CCT5: variants seen among roughly 807,000 people sequenced by gnomAD.
CCT5 encodes T-complex protein 1 subunit epsilon.
CCT5 carries 6 observed loss-of-function variants against 55.0 expected under a neutral mutation model. That is an observed-to-expected ratio of 0.11 (90% CI 0.06 to 0.22). The LOEUF (loss-of-function observed/expected upper bound fraction) is 0.22, where lower values mean the gene tolerates loss of function less well. CCT5 is among the 10% of genes least tolerant of loss of function. CCT5 has a pLI of 1.00. For missense variants in CCT5, 560 were observed against 694.6 expected (o/e 0.81, Z 2.18); for synonymous variants, 231 against 243.7 (o/e 0.95, Z 0.49).
chr5:10,259,406 T>C (rs1745846048), intron 6 of CCT5, among the ~76,000 whole-genome samples: 1 of 152,216 alleles, frequency 6.6e-6, no homozygotes, highest in South Asian at 2.1e-4. Flanking sequence ...GGAAAGTTGT[T>C]GAATGTACTC....
chr5:10,256,792 T>A (rs1395796718), intron 4 of CCT5, among the ~76,000 whole-genome samples: 2 of 152,064 alleles, frequency 1.3e-5, no homozygotes, highest in Admixed American at 1.3e-4. Context: ...TGGGGGTGGG[T>A]TCCACTTTTT....
At chr5:10,262,340 A>G (rs1462145169) in intron 8 of CCT5, 141 bp from the exon 9 acceptor site, 1 of 929,828 alleles carries the variant, frequency 1.1e-6, no homozygotes, top group Non-Finnish European at 1.7e-6. Flanking sequence ...AAGGAAAGCT[A>G]GAAAGATAAA....
intron 6 of CCT5, among the ~76,000 whole-genome samples, chr5:10,259,010 G>T (rs899768462): frequency 3.3e-5 from 5 of 152,156 alleles, no homozygotes; most frequent in African/African-American, 7.2e-5. Context: ...ATGGTAGTGT[G>T]TTCAGGGTCC....
At chr5:10,251,641 A>T (rs1184713395) in intron 1 of CCT5, among the ~76,000 whole-genome samples, 1 of 151,936 alleles carries the variant, frequency 6.6e-6, no homozygotes, top group African/African-American at 2.4e-5. Flanking sequence ...TTCCAGGGGG[A>T]GGTGATAGGC....
At chr5:10,250,205 T>A (rs1579441731), upstream of CCT5, 1 of 1,550,496 alleles carries the variant, frequency 6.4e-7, no homozygotes. Flanking sequence ...GAAATTAGTC[T>A]CAGTAGAAAC....
intron 4 of CCT5, among the ~76,000 whole-genome samples, chr5:10,257,113 T>G (rs929177523): frequency 2.0e-5 from 3 of 152,182 alleles, no homozygotes; most frequent in Non-Finnish European, 2.9e-5. Flanking sequence ...GTGGTGGTTT[T>G]AGCAAAAAGG....
rs1039036165 is a variant in CCT5, at chr5:10,263,431, C to G, written c.1498+117C>G. 36 of 959,786 alleles carry G rather than the reference C, an allele frequency of 3.8e-5. No homozygotes were observed. The Middle Eastern group carries it at 7.6e-4, about 20-fold the overall frequency. The allele number at this position is 959,786 out of a possible 1,614,324, so 59.5% of individuals were successfully genotyped here. On this transcript the variant is annotated intron_variant, in intron 10 of 10. Transcript: ENST00000280326. ...TCTTTTTAAATATGTAAGCCCACTT[C>G]AGGTGTTCAAGTCCTGAATTTTAGA...
intron 10 of CCT5, among the ~76,000 whole-genome samples, chr5:10,264,266 C>CA (rs11374801): frequency 0.47 from 70,927 of 151,070 alleles, 18,815 homozygotes; most frequent in Non-Finnish European, 0.61. Context: ...CACCTGTCTC[C>CA]AAAAAAAAAA....
At chr5:10,260,713 C>T (rs1745914614) in intron 6 of CCT5, 79 bp from the exon 7 acceptor site, 1 of 1,511,658 alleles carries the variant, frequency 6.6e-7, no homozygotes, top group Non-Finnish European at 9.2e-7. Context: ...CCCAACTGTG[C>T]CTCTCCTTTT....
rs1427949275 is a variant in CCT5 at position 10,260,811 on chromosome 5, A to T, written c.893A>T (p.Asn298Ile). 2 of 1,613,994 alleles carry T rather than the reference A, an allele frequency of 1.2e-6. No individual in the cohort carries two copies. The highest frequency in any genetic ancestry group is 1.7e-6 in the Non-Finnish European group (2 of 1,179,992). Residue 298 changes from asparagine (N) to isoleucine (I), a missense_variant, in exon 7 of 11, where the codon AAC becomes ATC. Around this residue, in one of 4 missense-constraint regions of CCT5, gnomAD observed 256 missense variants for 372.4 expected, o/e 0.69. Transcript: ENST00000280326. ...MIQQIKETGA[N>I]LAICQWGFDD... ...TCCCAGATTAAAGAGACTGGTGCTA[A>T]CCTAGCAATTTGTCAGTGGGGCTTT...
rs559295542 is a variant in CCT5 at position 10,251,234 on chromosome 5, A to G, written c.105+789A>G. Among the ~76,000 whole-genome samples the G allele has an allele frequency of 3.9e-5, 6 of 152,336 alleles. No individual in the cohort carries two copies. In the East Asian group the frequency reaches 1.2e-3, roughly 29 times the overall value. ...AGGTGGAAGCTATTGAATGCCCAACATGGAAAATACGACGTTATCTTTGGG... is the reference window on the plus strand; with the variant it reads ...AGGTGGAAGCTATTGAATGCCCAACGTGGAAAATACGACGTTATCTTTGGG... On this transcript the variant is annotated intron_variant, in intron 1 of 10. Transcript: ENST00000280326.
In CCT5 at chr5:10,258,483, A is replaced by G. The variant is rs1203889004; in HGVS notation, c.821A>G (p.Tyr274Cys). The G allele has an allele frequency of 6.2e-7, 1 of 1,614,016 alleles. No individual in the cohort carries two copies. The highest frequency in any genetic ancestry group is 8.5e-7 in the Non-Finnish European group (1 of 1,179,972). Reference sequence around the variant, plus strand: ...CTGGATGTGACCTCTGTCGAAGATTATAAAGCCCTTCAGAAATACGAAAAG... The same window carrying G: ...CTGGATGTGACCTCTGTCGAAGATTGTAAAGCCCTTCAGAAATACGAAAAG... Reference protein sequence around the residue: ...HKLDVTSVEDYKALQKYEKEK... With the variant: ...HKLDVTSVEDCKALQKYEKEK... The change falls in exon 6 of 11, where the codon TAT (tyrosine) becomes TGT (cysteine). Residue 274 changes from tyrosine (Y) to cysteine (C), a missense_variant. By Grantham distance (194) the Tyr-to-Cys change is radical. Transcript: ENST00000280326.
intron 1 of CCT5, among the ~76,000 whole-genome samples, chr5:10,251,771 A>G (rs1379563594): frequency 6.6e-6 from 1 of 152,228 alleles, no homozygotes; most frequent in Non-Finnish European, 1.5e-5. Flanking sequence ...AAAAGTTTCA[A>G]GCTAATTGTA....
intron 1 of CCT5, among the ~76,000 whole-genome samples, chr5:10,251,956 C>T (rs1745444625): frequency 6.6e-6 from 1 of 152,178 alleles, no homozygotes. Context: ...GGTTATTTTA[C>T]AAAACTGGGG....
chr5:10,262,930 C>T (rs1277829672), intron 9 of CCT5, among the ~76,000 whole-genome samples: 12 of 152,158 alleles, frequency 7.9e-5, no homozygotes, highest in Admixed American at 7.9e-4. Flanking sequence ...TATTTTGAGA[C>T]ATCTCTCACA....
chr5:10,251,993 T>C (rs1306719492), intron 1 of CCT5, among the ~76,000 whole-genome samples: 2 of 152,212 alleles, frequency 1.3e-5, no homozygotes, highest in Non-Finnish European at 2.9e-5. Flanking sequence ...GTTGAGAAAT[T>C]GTTCTGAAGA....
At position 10,261,981 on chromosome 5, in the gene CCT5, A is replaced by G. The variant is rs1034737371; in HGVS notation, c.1179+236A>G. The G allele has an allele frequency of 2.6e-5, 13 of 505,110 alleles. No homozygotes were observed. In the Admixed American group the frequency reaches 3.6e-4, roughly 14 times the overall value. 31.3% of individuals were successfully genotyped at this position (505,110 alleles called of 1,614,324 possible). A position where few individuals can be genotyped will look rare whatever the true frequency, so the allele number is the denominator to read the frequency against. On this transcript the variant is annotated intron_variant, in intron 8 of 10. Coordinates refer to ENST00000280326, the MANE Select transcript of CCT5 (RefSeq NM_012073.5). ...ATACAATATACACTATGAGATTTTT[A>G]TATCTTTTTAAATACTTAAACACAG... is the stretch of plus-strand genomic sequence containing the variant.
chr5:10,262,420 A>G, intron 8 of CCT5, 61 bp from the exon 9 acceptor site: 1 of 1,591,768 alleles, frequency 6.3e-7, no homozygotes, highest in East Asian at 2.2e-5. Flanking sequence ...GGTGCCAGAT[A>G]CTTGGCTCTA....
At chr5:10,263,002 A>G (rs1432363356) in intron 9 of CCT5, 132 bp from the exon 10 acceptor site, 1 of 776,316 alleles carries the variant, frequency 1.3e-6, no homozygotes, top group Non-Finnish European at 2.2e-6. Context: ...AGATACAAAA[A>G]TAAAGACAGC....
Sources: allele counts gnomAD v4.1 joint callset (sites outside exome capture counted in the v4.1 genomes callset), GRCh38; gene constraint gnomAD v4.1.1; regional missense constraint gnomAD v4.1.1; transcripts MANE v1.5; gene names NCBI Gene and HGNC (gene_info 2026-07-23, HGNC 2026-07-21).